The following CEP128 variants were observed in gnomAD, a reference collection of about 807,000 sequenced individuals.
CEP128 encodes centrosomal protein 128kDa.
A neutral mutation model predicts 156.7 loss-of-function variants in CEP128; 132 were observed. That is an observed-to-expected ratio of 0.84 (90% CI 0.73 to 0.97). CEP128 has a LOEUF of 0.97. CEP128 is among the 50% of genes least tolerant of loss of function. CEP128 has a pLI of 0.00. For missense variants in CEP128, 1,252 were observed against 1,281.9 expected (o/e 0.98, Z 0.36); for synonymous variants, 469 against 448.9 (o/e 1.04, Z -0.57).
At chr14:80,555,594 G>C (rs1222682349) in intron 21 of CEP128, among the ~76,000 whole-genome samples, 1 of 152,032 alleles carries the variant, frequency 6.6e-6, no homozygotes, top group Non-Finnish European at 1.5e-5. Flanking sequence ...TTTTATATGT[G>C]TACGGGAGTC....
At chr14:80,664,934 A>C (rs1415764467) in intron 19 of CEP128, among the ~76,000 whole-genome samples, 27 of 152,204 alleles carry the variant, frequency 1.8e-4, no homozygotes, top group Admixed American at 1.8e-3. Flanking sequence ...GTCAACTCAA[A>C]GTAGATTTTA....
At chr14:80,493,679 CAA>C (rs1423783847), downstream of CEP128, among the ~76,000 whole-genome samples, 1 of 152,204 alleles carries the variant, frequency 6.6e-6, no homozygotes, top group Non-Finnish European at 1.5e-5. Flanking sequence ...GCAGGGGCTA[CAA>C]ACCCTAGACT....
At chr14:80,595,837 A>C (rs974252106) in intron 19 of CEP128, among the ~76,000 whole-genome samples, 4 of 152,196 alleles carry the variant, frequency 2.6e-5, no homozygotes, top group African/African-American at 9.7e-5. Flanking sequence ...CACGTCTTAC[A>C]CGGCAGCAGG....
intron 19 of CEP128, among the ~76,000 whole-genome samples, chr14:80,644,650 T>C (rs953759141): frequency 6.6e-6 from 1 of 152,222 alleles, no homozygotes; most frequent in Non-Finnish European, 1.5e-5. Context: ...TCTGTTAATA[T>C]TCAATTCAAT....
intron 13 of CEP128, among the ~76,000 whole-genome samples, chr14:80,827,696 A>T (rs1381553793): frequency 6.6e-6 from 1 of 152,186 alleles, no homozygotes; most frequent in Non-Finnish European, 1.5e-5. Context: ...CCCTTAAGGC[A>T]TCATTATTCT....
At chr14:80,522,362 C>T (rs1477196242) in intron 23 of CEP128, among the ~76,000 whole-genome samples, 1 of 152,180 alleles carries the variant, frequency 6.6e-6, no homozygotes, top group Non-Finnish European at 1.5e-5. Flanking sequence ...GTACTTATAT[C>T]ACACACATGC....
intron 19 of CEP128, among the ~76,000 whole-genome samples, chr14:80,699,452 A>G (rs1896997429): frequency 6.6e-6 from 1 of 152,200 alleles, no homozygotes; most frequent in Non-Finnish European, 1.5e-5. Flanking sequence ...GACTCTCCCA[A>G]GGACACAAGT....
In CEP128 at chr14:80,878,356, A is replaced by G. The variant is rs942344508; in HGVS notation, c.646-15483T>C. ...TAGCCCTCTACTGTCTAAGCTACTCAGGCACCTCACCTCTTCAAGGAATGG... is the reference window on the plus strand; with the variant it reads ...TAGCCCTCTACTGTCTAAGCTACTCGGGCACCTCACCTCTTCAAGGAATGG... On this transcript the variant is annotated intron_variant, in intron 8 of 24. Coordinates refer to ENST00000555265, the MANE Select transcript of CEP128 (RefSeq NM_152446.5). Among the ~76,000 whole-genome samples the G allele has an allele frequency of 2.6e-5, 4 of 152,278 alleles. No homozygotes were observed. In the East Asian group the frequency reaches 7.7e-4, roughly 29 times the overall value.
At chr14:80,545,374 T>A (rs1185735300) in intron 21 of CEP128, among the ~76,000 whole-genome samples, 1 of 152,184 alleles carries the variant, frequency 6.6e-6, no homozygotes, top group Non-Finnish European at 1.5e-5. Context: ...GTTTACATAA[T>A]CTTAATCAAT....
chr14:80,568,667 T>C (rs991013003), intron 20 of CEP128, among the ~76,000 whole-genome samples: 1 of 152,138 alleles, frequency 6.6e-6, no homozygotes, highest in Non-Finnish European at 1.5e-5. Context: ...TTGACTGAGA[T>C]TAAAACTATT....
intron 19 of CEP128, among the ~76,000 whole-genome samples, chr14:80,646,519 T>C (rs1057208094): frequency 6.7e-6 from 1 of 149,498 alleles, no homozygotes; most frequent in Non-Finnish European, 1.5e-5. Context: ...GAATCAATAA[T>C]ATAATATATC....
At chr14:80,697,337 G>A (rs570260170) in intron 19 of CEP128, among the ~76,000 whole-genome samples, 2 of 152,148 alleles carry the variant, frequency 1.3e-5, no homozygotes, top group South Asian at 4.1e-4. Flanking sequence ...AGGTTCTAAA[G>A]GGCAGGTAAT....
Position 80,914,390 on chromosome 14 carries a change from G to A in CEP128, c.166C>T (p.Arg56Ter), listed in dbSNP as rs144969565. The A allele has an allele frequency of 1.5e-5, 24 of 1,613,196 alleles. No individual in the cohort carries two copies. The highest frequency in any genetic ancestry group is 2.7e-5 in the African/African-American group (2 of 74,876). The stretch of plus-strand genomic sequence containing the variant: ...CGTCCAAGCATCTGGTCCACTTGTC[G>A]CAGGTTCCGACTGGTATCCTTGAGA... ...STLQDTSRNL[R>*]QVDQMLGRYR... The change falls in exon 4 of 25, where the codon CGA becomes TGA. Residue 56 changes from arginine to a stop codon, truncating the protein, a stop_gained. Coordinates refer to ENST00000555265, the MANE Select transcript of CEP128 (RefSeq NM_152446.5). LOFTEE classifies it high-confidence loss of function.
chr14:80,811,655 GTA>G (rs1036006409), intron 13 of CEP128, among the ~76,000 whole-genome samples: 2 of 149,310 alleles, frequency 1.3e-5, no homozygotes, highest in African/African-American at 5.0e-5. Context: ...GTTTGTGTGT[GTA>G]TGTGTGTGTG....
chr14:80,657,341 T>C (rs1895218019), intron 19 of CEP128, among the ~76,000 whole-genome samples: 1 of 151,800 alleles, frequency 6.6e-6, no homozygotes, highest in Non-Finnish European at 1.5e-5. Flanking sequence ...TAGTCACCAC[T>C]AATAAATGGA....
At chr14:80,651,958 G>T (rs1313879142) in intron 19 of CEP128, among the ~76,000 whole-genome samples, 1 of 152,012 alleles carries the variant, frequency 6.6e-6, no homozygotes, top group African/African-American at 2.4e-5. Flanking sequence ...CTGAGTTCAA[G>T]TCCTGAATAT....
chr14:80,601,251 G>A (rs1892569999), intron 19 of CEP128, among the ~76,000 whole-genome samples: 1 of 152,070 alleles, frequency 6.6e-6, no homozygotes, highest in Non-Finnish European at 1.5e-5. Context: ...TATATAAGTC[G>A]TGCATTGCTT....
intron 17 of CEP128, among the ~76,000 whole-genome samples, chr14:80,757,752 A>G (rs1899742925): frequency 1.3e-5 from 2 of 152,064 alleles, no homozygotes; most frequent in Non-Finnish European, 2.9e-5. Flanking sequence ...ATACCTCCAT[A>G]CCTCCTGAGC....
intron 19 of CEP128, among the ~76,000 whole-genome samples, chr14:80,739,834 C>A (rs911549916): frequency 1.3e-5 from 2 of 151,972 alleles, no homozygotes; most frequent in African/African-American, 4.8e-5. Context: ...AAATGTAATA[C>A]ATAACTGAAA....
Sources: gnomAD v4.1 joint callset for allele counts (sites outside exome capture counted in the v4.1 genomes callset) on GRCh38, gnomAD v4.1.1 for gene constraint, MANE v1.5 for transcripts, NCBI Gene and HGNC (gene_info 2026-07-23, HGNC 2026-07-21) for gene names.